The following CDCA7L variants were observed in gnomAD, a reference collection of about 807,000 sequenced individuals.
CDCA7L encodes the protein cell division cycle associated 7 like.
In CDCA7L, 44 loss-of-function variants were observed where a neutral mutation model predicts 57.4. The ratio of observed to expected loss-of-function variants is 0.77; its 90% CI spans 0.60 to 0.98. The LOEUF is 0.98. Ranked by LOEUF, CDCA7L falls within the 50% of genes least tolerant of loss-of-function variation. The pLI is 0.00. For synonymous variants in CDCA7L, 236 were observed against 202.8 expected (o/e 1.16, Z -1.39); for missense variants, 644 against 580.6 (o/e 1.11, Z -1.12).
intron 2 of CDCA7L, among the ~76,000 whole-genome samples, chr7:21,915,357 G>T (rs1203905421): frequency 2.0e-5 from 3 of 152,134 alleles, no homozygotes; most frequent in African/African-American, 7.2e-5. Context: ...ACCACCTGGG[G>T]CTGGAGAGAG....
At chr7:21,915,284 G>C (rs1785443861) in intron 2 of CDCA7L, among the ~76,000 whole-genome samples, 1 of 152,060 alleles carries the variant, frequency 6.6e-6, no homozygotes, top group African/African-American at 2.4e-5. Context: ...GACAACCAAG[G>C]GAAGGAGAAG....
chr7:21,905,801 G>T, intron 6 of CDCA7L, 170 bp from the exon 7 acceptor site: 1 of 705,056 alleles, frequency 1.4e-6, no homozygotes, highest in Non-Finnish European at 2.2e-6. Flanking sequence ...CACCTGCCAA[G>T]CTTCCTTCTC....
chr7:21,931,618 G>T (rs7793611), intron 1 of CDCA7L, among the ~76,000 whole-genome samples: 49,884 of 151,966 alleles, frequency 0.33, 9,294 homozygotes, highest in African/African-American at 0.51. Flanking sequence ...GGTATTGATG[G>T]AACAGATCTC....
chr7:21,929,160 T>C (rs572801272), intron 1 of CDCA7L, among the ~76,000 whole-genome samples: 1 of 152,262 alleles, frequency 6.6e-6, no homozygotes, highest in East Asian at 1.9e-4. Context: ...TCAACATTCT[T>C]AATGAAAAGA....
Position 21,901,185 on chromosome 7 carries a change from CA to C in CDCA7L, c.*1136del. ...GAGGCCCCAGCTACATCTGGACCTT[CA>C]GGCTGAAGAGCGAAGAGAAGACTGC... is the stretch of plus-strand genomic sequence containing the variant. On this transcript the variant is annotated 3_prime_UTR_variant, in exon 10 of 10. Transcript: ENST00000406877. The C allele has an allele frequency of 6.2e-7, 1 of 1,613,196 alleles. No homozygotes were observed. Among genetic ancestry groups the C allele is most frequent in the Non-Finnish European group, 8.5e-7 (1 of 1,179,528 alleles).
chr7:21,928,662 A>T (rs1345525456), intron 1 of CDCA7L, among the ~76,000 whole-genome samples: 1 of 151,894 alleles, frequency 6.6e-6, no homozygotes, highest in Non-Finnish European at 1.5e-5. Flanking sequence ...AGCATACACA[A>T]GTATCAATAG....
Position 21,901,582 on chromosome 7 carries a change from T to TACATCATAAAAGTACATCATATG in CDCA7L, c.*717_*739dup, listed in dbSNP as rs1784859758. 1.1e-5 allele frequency: 2 copies of TACATCATAAAAGTACATCATATG among 180,660 alleles called. No individual in the cohort carries two copies. Among genetic ancestry groups the TACATCATAAAAGTACATCATATG allele is most frequent in the Admixed American group, 1.2e-4 (2 of 16,196 alleles). The allele number at this position is 180,660 out of a possible 1,614,324, so 11.2% of individuals were successfully genotyped here. On this transcript the variant is annotated 3_prime_UTR_variant, in exon 10 of 10. Transcript: ENST00000406877. ...AGACTCCATCTCAAAAAAAAAAAAGTACATCATAAAAGTACATCATATGTG... is the reference window on the plus strand; with the variant it reads ...AGACTCCATCTCAAAAAAAAAAAAGTACATCATAAAAGTACATCATATGACATCATAAAAGTACATCATATGTG...
At position 21,906,205 on chromosome 7, in the gene CDCA7L, C is replaced by A. The variant is rs1023767944; in HGVS notation, c.921+84G>T. 1.1e-5 allele frequency: 15 copies of A among 1,382,078 alleles called. No homozygotes were observed. In the African/African-American group the frequency reaches 2.2e-4, roughly 20 times the overall value. 85.6% of individuals were successfully genotyped at this position (1,382,078 alleles called of 1,614,324 possible). A position where few individuals can be genotyped will look rare whatever the true frequency, so the allele number is the denominator to read the frequency against. On this transcript the variant is annotated intron_variant, in intron 6 of 9. Coordinates refer to ENST00000406877, the MANE Select transcript of CDCA7L (RefSeq NM_018719.5). Reference sequence around the variant, plus strand: ...CGCAGACCCACGGGGTCAGAACCAGCCCTGGGGTGACAGTGACGTGCGTTC... The same window carrying A: ...CGCAGACCCACGGGGTCAGAACCAGACCTGGGGTGACAGTGACGTGCGTTC...
Position 21,902,185 on chromosome 7 carries a change from T to A in CDCA7L, c.*137A>T. On this transcript the variant is annotated 3_prime_UTR_variant, in exon 10 of 10. Transcript: ENST00000406877. ...TCTTTGTAAGCATATAAACAATCTT[T>A]AACAAAAAATAGTAATTTCTACAAA... 2 of 859,882 alleles carry A rather than the reference T, an allele frequency of 2.3e-6. No individual in the cohort carries two copies. Among genetic ancestry groups the A allele is most frequent in the East Asian group, 2.5e-5 (1 of 40,392 alleles). The allele number at this position is 859,882 out of a possible 1,614,324, so 53.3% of individuals were successfully genotyped here. A position where few individuals can be genotyped will look rare whatever the true frequency, so the allele number is the denominator to read the frequency against.
intron 1 of CDCA7L, among the ~76,000 whole-genome samples, chr7:21,941,504 T>G (rs1786339005): frequency 6.6e-6 from 1 of 152,218 alleles, no homozygotes; most frequent in African/African-American, 2.4e-5. Flanking sequence ...ACAATGCAAA[T>G]TTCACATAAA....
At chr7:21,919,069 C>T (rs1785577251) in intron 1 of CDCA7L, among the ~76,000 whole-genome samples, 1 of 152,108 alleles carries the variant, frequency 6.6e-6, no homozygotes, top group African/African-American at 2.4e-5. Context: ...CCTCTCACCT[C>T]AGCCTCCCAA....
chr7:21,941,642 C>T (rs1357660794), intron 1 of CDCA7L, among the ~76,000 whole-genome samples: 2 of 152,162 alleles, frequency 1.3e-5, no homozygotes, highest in Admixed American at 6.5e-5. Context: ...ACACTCCAGC[C>T]CTTCTAGTTA....
At chr7:21,921,520 G>A (rs1785652346) in intron 1 of CDCA7L, among the ~76,000 whole-genome samples, 2 of 151,536 alleles carry the variant, frequency 1.3e-5, no homozygotes, top group African/African-American at 2.4e-5. Context: ...TAGGCCCAAG[G>A]ATCTGTCACT....
Position 21,901,406 on chromosome 7 carries a change from A to ATTCT in CDCA7L, c.*915_*916insAGAA. 2.7e-6 allele frequency: 3 copies of ATTCT among 1,121,170 alleles called. No individual in the cohort carries two copies. The highest frequency in any genetic ancestry group is 5.8e-5 in the East Asian group (2 of 34,318). 69.5% of individuals were successfully genotyped at this position (1,121,170 alleles called of 1,614,324 possible). A position where few individuals can be genotyped will look rare whatever the true frequency, so the allele number is the denominator to read the frequency against. On this transcript the variant is annotated 3_prime_UTR_variant, in exon 10 of 10. Transcript: ENST00000406877. ...CTATCCTTAGAGTGAAAGTCAGAAA[A>ATTCT]AAATACTAGAAACTAACTCAGGGCT...
intron 3 of CDCA7L, among the ~76,000 whole-genome samples, chr7:21,910,963 G>A (rs1464159436): frequency 7.4e-6 from 1 of 135,356 alleles, no homozygotes; most frequent in Non-Finnish European, 1.5e-5. Context: ...TGTCATCTAA[G>A]ATAAACTTTT....
chr7:21,913,233 G>C (rs1785387894), intron 2 of CDCA7L, among the ~76,000 whole-genome samples: 1 of 152,100 alleles, frequency 6.6e-6, no homozygotes, highest in Non-Finnish European at 1.5e-5. Context: ...CATTCTGTAA[G>C]CTTAAAAATG....
intron 5 of CDCA7L, 21 bp downstream of exon 5, chr7:21,906,547 A>T: frequency 6.2e-7 from 1 of 1,613,738 alleles, no homozygotes; most frequent in Non-Finnish European, 8.5e-7. Context: ...TATTGGTATA[A>T]TTATAAGGAG....
At chr7:21,938,648 C>T (rs1050604482) in intron 1 of CDCA7L, among the ~76,000 whole-genome samples, 8 of 151,916 alleles carry the variant, frequency 5.3e-5, no homozygotes, top group African/African-American at 1.9e-4. Flanking sequence ...TGGAAACAAC[C>T]GACAACATAA....
intron 1 of CDCA7L, among the ~76,000 whole-genome samples, chr7:21,943,692 T>C (rs1014280511): frequency 6.6e-6 from 1 of 151,486 alleles, no homozygotes; most frequent in African/African-American, 2.4e-5. Flanking sequence ...CCATCACACA[T>C]CTTTGATTTG....
Sources: allele counts gnomAD v4.1 joint callset (sites outside exome capture counted in the v4.1 genomes callset), GRCh38; gene constraint gnomAD v4.1.1; transcripts MANE v1.5; gene names NCBI Gene and HGNC (gene_info 2026-07-23, HGNC 2026-07-21).